The following KCNIP4 variants were observed in gnomAD, a reference collection of about 807,000 sequenced individuals.
The protein encoded by KCNIP4 is potassium voltage-gated channel interacting protein 4, also known as Kv channel-interacting protein 4.
KCNIP4 carries 12 observed loss-of-function variants against 34.0 expected under a neutral mutation model. The observed-to-expected ratio is 0.35, with a 90% confidence interval of 0.23 to 0.57. The LOEUF (loss-of-function observed/expected upper bound fraction) is 0.57, where lower values mean the gene tolerates loss of function less well. Ranked by LOEUF, KCNIP4 falls within the 20% of genes least tolerant of loss-of-function variation. KCNIP4 has a pLI of 0.83. For synonymous variants in KCNIP4, 124 were observed against 102.2 expected, an observed-to-expected ratio of 1.21 and a Z score of -1.29; for missense variants, 238 against 311.7, an observed-to-expected ratio of 0.76 and a Z score of 1.78.
At chr4:21,184,568 C>G (rs1362136280) in intron 1 of KCNIP4, among the ~76,000 whole-genome samples, 1 of 152,066 alleles carries the variant, frequency 6.6e-6, no homozygotes, top group African/African-American at 2.4e-5. Flanking sequence ...TTAGCTGTAA[C>G]CTGGTATTAA....
At chr4:21,076,366 G>A (rs963737793) in intron 1 of KCNIP4, among the ~76,000 whole-genome samples, 4 of 152,016 alleles carry the variant, frequency 2.6e-5, no homozygotes, top group Non-Finnish European at 5.9e-5. Flanking sequence ...TTCCTGAAAT[G>A]TTATGGCTCT....
intron 1 of KCNIP4, among the ~76,000 whole-genome samples, chr4:20,926,190 C>G (rs905872165): frequency 2.0e-4 from 31 of 152,222 alleles, no homozygotes; most frequent in African/African-American, 6.5e-4. Flanking sequence ...GCAGTCCTAT[C>G]TGTTTAGCTG....
chr4:21,146,690 A>T (rs549045970), intron 1 of KCNIP4, among the ~76,000 whole-genome samples: 1 of 152,334 alleles, frequency 6.6e-6, no homozygotes, highest in East Asian at 1.9e-4. Context: ...AAATAAAGAA[A>T]AAAAGGAAAA....
At chr4:21,634,099 A>G (rs1248201227) in intron 1 of KCNIP4, among the ~76,000 whole-genome samples, 1 of 151,918 alleles carries the variant, frequency 6.6e-6, no homozygotes, top group East Asian at 1.9e-4. Context: ...AGAATCTCAG[A>G]GGTCCACACC....
chr4:21,076,560 A>G (rs927814293), intron 1 of KCNIP4, among the ~76,000 whole-genome samples: 3 of 152,196 alleles, frequency 2.0e-5, no homozygotes, highest in Non-Finnish European at 4.4e-5. Flanking sequence ...TACTCAATAA[A>G]AATTGTTAAT....
At chr4:20,854,112 C>T (rs1302616894) in intron 2 of KCNIP4, among the ~76,000 whole-genome samples, 1 of 152,134 alleles carries the variant, frequency 6.6e-6, no homozygotes, top group Non-Finnish European at 1.5e-5. Context: ...AGTAGAACTA[C>T]CATTTGATCT....
At chr4:21,445,322 C>T (rs1419513155) in intron 1 of KCNIP4, among the ~76,000 whole-genome samples, 1 of 152,154 alleles carries the variant, frequency 6.6e-6, no homozygotes, top group Non-Finnish European at 1.5e-5. Flanking sequence ...CCAAGTTAAT[C>T]GTAAGCCAAA....
intron 1 of KCNIP4, among the ~76,000 whole-genome samples, chr4:21,942,358 C>T (rs1285051789): frequency 1.3e-5 from 2 of 152,150 alleles, no homozygotes; most frequent in Non-Finnish European, 2.9e-5. Flanking sequence ...GCCCCTCAGA[C>T]TACTGATGTT....
chr4:20,882,859 G>GA (rs5856585), intron 1 of KCNIP4, 150 bp from the exon 2 acceptor site: 248,966 of 438,438 alleles, frequency 0.57, 70,391 homozygotes, highest in East Asian at 0.7. Flanking sequence ...CCCCCGAAAG[G>GA]AAAAAAAAAG....
chr4:21,177,878 A>ATATATAT (rs397839047), intron 1 of KCNIP4, among the ~76,000 whole-genome samples: 1 of 145,502 alleles, frequency 6.9e-6, no homozygotes, highest in African/African-American at 2.6e-5. Context: ...ATATATATAT[A>ATATATAT]AAATATAACA....
intron 1 of KCNIP4, among the ~76,000 whole-genome samples, chr4:21,461,756 A>T (rs1729484349): frequency 6.6e-6 from 1 of 151,822 alleles, no homozygotes; most frequent in Non-Finnish European, 1.5e-5. Flanking sequence ...TGCCTGATGC[A>T]CATTTTATCC....
At chr4:21,770,607 G>A (rs1015134226) in intron 1 of KCNIP4, among the ~76,000 whole-genome samples, 7 of 151,870 alleles carry the variant, frequency 4.6e-5, no homozygotes, top group Middle Eastern at 3.2e-3. Flanking sequence ...CCATAGACTC[G>A]TCAGCATCGT....
rs376503399 is a variant in KCNIP4, at chr4:21,931,684, G to C, written c.61+16887C>G. On this transcript the variant is annotated intron_variant, in intron 1 of 8. Transcript: ENST00000382152. ...TTCCTAATTCAGTCTATCATTGTTG[G>C]GCATTTGGGTTGGTTCCAAGTCTTT... Among the ~76,000 whole-genome samples, 5 of 152,052 alleles carry C rather than the reference G, an allele frequency of 3.3e-5. No homozygotes were observed. The East Asian group carries it at 9.7e-4, about 30-fold the overall frequency.
intron 1 of KCNIP4, among the ~76,000 whole-genome samples, chr4:20,888,262 G>A (rs986470539): frequency 6.6e-6 from 1 of 152,112 alleles, no homozygotes; most frequent in Non-Finnish European, 1.5e-5. Flanking sequence ...ATCAGAAATT[G>A]TATTTTTTAT....
intron 1 of KCNIP4, among the ~76,000 whole-genome samples, chr4:20,892,887 C>A (rs1257074911): frequency 6.6e-6 from 1 of 152,148 alleles, no homozygotes; most frequent in African/African-American, 2.4e-5. Context: ...ACCAATTGAA[C>A]CTCAATTTTC....
chr4:21,048,831 G>C (rs996280552), intron 1 of KCNIP4, among the ~76,000 whole-genome samples: 40 of 152,076 alleles, frequency 2.6e-4, no homozygotes, highest in African/African-American at 8.7e-4. Context: ...TCTTCCTAGT[G>C]GGGCCTATCC....
chr4:21,392,014 G>A (rs1399240965), intron 1 of KCNIP4, among the ~76,000 whole-genome samples: 1 of 152,096 alleles, frequency 6.6e-6, no homozygotes, highest in Non-Finnish European at 1.5e-5. Flanking sequence ...CACCTCACCA[G>A]CAAGCACATT....
chr4:20,877,860 A>C (rs1465366797), intron 2 of KCNIP4, among the ~76,000 whole-genome samples: 3 of 151,964 alleles, frequency 2.0e-5, no homozygotes, highest in Admixed American at 2.0e-4. Flanking sequence ...CAGTTGTGGG[A>C]TTCTGCTCAA....
intron 1 of KCNIP4, among the ~76,000 whole-genome samples, chr4:21,886,243 C>T (rs1726757168): frequency 6.6e-6 from 1 of 152,078 alleles, no homozygotes; most frequent in African/African-American, 2.4e-5. Flanking sequence ...CTGATTTATA[C>T]AGCATAATTT....
Sources: allele counts gnomAD v4.1 joint callset (sites outside exome capture counted in the v4.1 genomes callset), GRCh38; gene constraint gnomAD v4.1.1; transcripts MANE v1.5; gene names NCBI Gene and HGNC (gene_info 2026-07-23, HGNC 2026-07-21).